The following SLC30A7 variants were observed in gnomAD, a reference collection of about 807,000 sequenced individuals.
SLC30A7 encodes the protein solute carrier family 30 member 7, also known as zinc transporter 7.
Under a neutral mutation model 46.0 loss-of-function variants are expected in SLC30A7, and 35 were observed. The ratio of observed to expected loss-of-function variants is 0.76; its 90% CI spans 0.58 to 1.01. The LOEUF (loss-of-function observed/expected upper bound fraction) is 1.01, where lower values mean the gene tolerates loss of function less well. Ranked by LOEUF, SLC30A7 falls within the 50% of genes least tolerant of loss-of-function variation. The pLI, the probability that SLC30A7 is intolerant of heterozygous loss-of-function variation, is 0.00. For missense variants in SLC30A7, 464 were observed against 451.1 expected, an observed-to-expected ratio of 1.03 and a Z score of -0.26; for synonymous variants, 147 against 157.8, an observed-to-expected ratio of 0.93 and a Z score of 0.51.
chr1:100,938,353 C>T (rs1224533055), intron 8 of SLC30A7, among the ~76,000 whole-genome samples: 1 of 152,172 alleles, frequency 6.6e-6, no homozygotes, highest in East Asian at 1.9e-4. Flanking sequence ...TTTGTGAAGC[C>T]TGTTGTAAAC....
At chr1:100,966,037 T>C (rs761031883) in intron 10 of SLC30A7, 119 bp downstream of exon 10, 266 of 861,336 alleles carry the variant, frequency 3.1e-4, no homozygotes, top group Non-Finnish European at 4.5e-4. Flanking sequence ...TCTAGATCAG[T>C]GTGGGCAACA....
intron 8 of SLC30A7, among the ~76,000 whole-genome samples, chr1:100,932,978 C>CTTTTTTTTTTTT (rs995801710): frequency 7.2e-6 from 1 of 138,092 alleles, no homozygotes; most frequent in Non-Finnish European, 1.6e-5. Context: ...TTTCTTTTTT[C>CTTTTTTTTTTTT]TTTTTTTTTT....
Position 100,977,956 on chromosome 1 carries a change from G to A in SLC30A7, c.*3099G>A, listed in dbSNP as rs929673434. 2.0e-5 allele frequency: 3 copies of A among 152,200 alleles called. No homozygotes were observed. The highest frequency in any genetic ancestry group is 4.8e-5 in the African/African-American group (2 of 41,440). 9.4% of individuals were successfully genotyped at this position (152,200 alleles called of 1,614,324 possible). On this transcript the variant is annotated 3_prime_UTR_variant, in exon 11 of 11. Transcript: ENST00000357650. ...TTTAGCAGAGACAGGGTTTCACCAC[G>A]TTGGCCAGGGTGGTCTTGGACTCCT...
chr1:100,944,237 G>T (rs1654501043), intron 8 of SLC30A7, among the ~76,000 whole-genome samples: 1 of 152,092 alleles, frequency 6.6e-6, no homozygotes, highest in South Asian at 2.1e-4. Flanking sequence ...ATGGGGTTTT[G>T]CCATGTTGTC....
intron 2 of SLC30A7, among the ~76,000 whole-genome samples, chr1:100,905,408 A>C (rs1223851155): frequency 6.6e-6 from 1 of 151,838 alleles, no homozygotes; most frequent in Non-Finnish European, 1.5e-5. Context: ...TGGGTTCATT[A>C]AGCTTCTTGG....
At position 100,972,527 on chromosome 1, in the gene SLC30A7, T is replaced by C. The variant is rs1253028921; in HGVS notation, c.1084-2283T>C. 3 of 152,740 alleles carry C rather than the reference T, an allele frequency of 2.0e-5. No homozygotes were observed. The Admixed American group carries it at 2.0e-4, about 10-fold the overall frequency. The allele number at this position is 152,740 out of a possible 1,614,324, so 9.5% of individuals were successfully genotyped here. A position where few individuals can be genotyped will look rare whatever the true frequency, so the allele number is the denominator to read the frequency against. ...TGGGCTACTTCATTTTTTATTACCA[T>C]CTTCTCTGTTTAGGGCTAGGAGTAA... On this transcript the variant is annotated intron_variant, in intron 10 of 10. Coordinates refer to ENST00000357650, the MANE Select transcript of SLC30A7 (RefSeq NM_133496.5).
At chr1:100,949,700 C>T (rs1034987635) in intron 8 of SLC30A7, among the ~76,000 whole-genome samples, 21 of 152,124 alleles carry the variant, frequency 1.4e-4, no homozygotes, top group South Asian at 2.1e-4. Flanking sequence ...TTTTGTTTAC[C>T]TACTCAAGCC....
chr1:100,990,634 A>T, the SLC30A7 span: 2 of 1,613,142 alleles, frequency 1.2e-6, no homozygotes, highest in East Asian at 4.5e-5. Context: ...GGTAACTGCT[A>T]TTAAAAAAAA....
chr1:100,945,128 A>T (rs992966727), intron 8 of SLC30A7, among the ~76,000 whole-genome samples: 2 of 151,754 alleles, frequency 1.3e-5, no homozygotes, highest in African/African-American at 4.8e-5. Flanking sequence ...CCACTTTTTG[A>T]TGGGGTTGTT....
chr1:100,914,389 T>C (rs962675181), intron 6 of SLC30A7, among the ~76,000 whole-genome samples: 1 of 152,178 alleles, frequency 6.6e-6, no homozygotes, highest in Non-Finnish European at 1.5e-5. Context: ...TGAGGAACAA[T>C]TGCATTTTAG....
the SLC30A7 span, among the ~76,000 whole-genome samples, chr1:100,988,992 G>T: frequency 6.6e-6 from 1 of 152,200 alleles, no homozygotes; most frequent in East Asian, 1.9e-4. Context: ...AGGGAAATCT[G>T]TTCAAATTTC....
At chr1:100,939,562 C>T (rs930157204) in intron 8 of SLC30A7, among the ~76,000 whole-genome samples, 1 of 151,712 alleles carries the variant, frequency 6.6e-6, no homozygotes, top group Non-Finnish European at 1.5e-5. Context: ...GCTGGCCGGG[C>T]GCGGTGGCTC....
At chr1:100,974,026 C>T (rs1446557785) in intron 10 of SLC30A7, among the ~76,000 whole-genome samples, 2 of 152,080 alleles carry the variant, frequency 1.3e-5, no homozygotes, top group South Asian at 2.1e-4. Flanking sequence ...AGGCTTTTTG[C>T]TGTAAAGAAG....
chr1:100,942,245 CAG>C, intron 8 of SLC30A7, among the ~76,000 whole-genome samples: 1 of 152,230 alleles, frequency 6.6e-6, no homozygotes, highest in East Asian at 1.9e-4. Context: ...AGTATTAACT[CAG>C]AGGAATTGGG....
At chr1:100,913,541 A>C in intron 5 of SLC30A7, 122 bp from the exon 6 acceptor site, 1 of 713,780 alleles carries the variant, frequency 1.4e-6, no homozygotes, top group Non-Finnish European at 2.4e-6. Flanking sequence ...ACTTTTTACA[A>C]GTAAATGTTT....
chr1:100,912,895 GTGT>G (rs1652214890), intron 5 of SLC30A7, among the ~76,000 whole-genome samples: 1 of 110,326 alleles, frequency 9.1e-6, no homozygotes, highest in Non-Finnish European at 2.1e-5. Flanking sequence ...AAAAAAGTGT[GTGT>G]GTTTATGAAA....
chr1:100,931,259 C>T (rs1231211337), intron 8 of SLC30A7, among the ~76,000 whole-genome samples: 1 of 152,130 alleles, frequency 6.6e-6, no homozygotes, highest in Non-Finnish European at 1.5e-5. Flanking sequence ...GGTATTAATT[C>T]AGTACAACTA....
At chr1:100,992,496 G>T in the SLC30A7 span, 3 of 563,618 alleles carry the variant, frequency 5.3e-6, no homozygotes, top group Admixed American at 7.3e-5. Context: ...TTAAGTTAAA[G>T]TTGGACAAAA....
downstream of SLC30A7, among the ~76,000 whole-genome samples, chr1:100,983,392 A>C (rs866376910): frequency 4.6e-4 from 48 of 104,082 alleles, 1 homozygote; most frequent in African/African-American, 1.7e-3. Context: ...AAAAAAAAAC[A>C]AAACAAAACA....
Sources: gnomAD v4.1 joint callset for allele counts (sites outside exome capture counted in the v4.1 genomes callset) on GRCh38, gnomAD v4.1.1 for gene constraint, MANE v1.5 for transcripts, NCBI Gene and HGNC (gene_info 2026-07-23, HGNC 2026-07-21) for gene names.